The following MPP7 variants were observed in gnomAD, a reference collection of about 807,000 sequenced individuals.
MPP7 encodes MAGUK p55 subfamily member 7.
A neutral mutation model predicts 76.5 loss-of-function variants in MPP7; 60 were observed. The observed-to-expected ratio is 0.78, with a 90% confidence interval of 0.64 to 0.97. The LOEUF is 0.97. MPP7 is among the 50% of genes least tolerant of loss of function. MPP7 has a pLI of 0.00. For missense variants in MPP7, 641 were observed against 694.0 expected (o/e 0.92, Z 0.86); for synonymous variants, 237 against 244.5 (o/e 0.97, Z 0.29).
chr10:28,318,090 G>A (rs776161729), intron 2 of MPP7, among the ~76,000 whole-genome samples: 7 of 152,166 alleles, frequency 4.6e-5, no homozygotes, highest in South Asian at 2.1e-4. Flanking sequence ...TTACTTTCAT[G>A]CCTCACTATA....
chr10:28,212,471 G>A (rs1332117435), intron 2 of MPP7, among the ~76,000 whole-genome samples: 1 of 152,216 alleles, frequency 6.6e-6, no homozygotes, highest in African/African-American at 2.4e-5. Context: ...TTGGATACCA[G>A]TGGAGATGCA....
At chr10:28,161,156 C>T (rs533910744) in intron 3 of MPP7, among the ~76,000 whole-genome samples, 1 of 152,264 alleles carries the variant, frequency 6.6e-6, no homozygotes, top group South Asian at 2.1e-4. Context: ...CAAAATCGTC[C>T]TTTCACACAC....
At chr10:28,195,342 C>T (rs1837545429) in intron 3 of MPP7, among the ~76,000 whole-genome samples, 1 of 152,138 alleles carries the variant, frequency 6.6e-6, no homozygotes, top group Admixed American at 6.5e-5. Flanking sequence ...AACAGGTCTT[C>T]ATAAAAACTT....
At chr10:28,144,602 T>C (rs1385661303) in intron 5 of MPP7, among the ~76,000 whole-genome samples, 1 of 152,170 alleles carries the variant, frequency 6.6e-6, no homozygotes, top group Non-Finnish European at 1.5e-5. Context: ...CTCTTCCCTG[T>C]ACCTAAATCA....
rs1257102466 is a variant in MPP7 at position 28,118,300 on chromosome 10, T to A, written c.952+1351A>T. On this transcript the variant is annotated intron_variant, in intron 11 of 16. Coordinates refer to ENST00000683449, the MANE Select transcript of MPP7 (RefSeq NM_001318170.2). ...TATAGTTCTTTTAAAGAAATACATATACACTTATCAAAAATTTTCAATCAA... is the reference window on the plus strand; with the variant it reads ...TATAGTTCTTTTAAAGAAATACATAAACACTTATCAAAAATTTTCAATCAA... 5 of 980,544 alleles carry A rather than the reference T, an allele frequency of 5.1e-6. No homozygotes were observed. In the South Asian group the frequency reaches 2.4e-4, roughly 46 times the overall value. 60.7% of individuals were successfully genotyped at this position (980,544 alleles called of 1,614,324 possible).
chr10:28,323,707 T>C (rs1834386982), intron 2 of MPP7, among the ~76,000 whole-genome samples: 1 of 151,284 alleles, frequency 6.6e-6, no homozygotes, highest in Non-Finnish European at 1.5e-5. Flanking sequence ...AATAAATAAA[T>C]AAATAGAGAG....
rs1277284546 is a variant in MPP7, at chr10:28,058,507, A to G, written c.1395T>C (p.Asp465=). The change falls in exon 15 of 17, where the codon GAT becomes GAC. Residue 465 remains aspartate (D), a synonymous_variant. Transcript: ENST00000683449. ...ATTGTTTACTTACATGAGGCTGAAC[A>G]TCCAACAAACAAACTTTGTTTTTAG... is the stretch of plus-strand genomic sequence containing the variant. The part of the protein sequence containing the change: ...VLAKNKVCLL[D]VQPHTVKHLR... 1.9e-6 allele frequency: 3 copies of G among 1,597,034 alleles called. No homozygotes were observed. Among genetic ancestry groups the G allele is most frequent in the African/African-American group, 2.7e-5 (2 of 74,378 alleles).
At chr10:28,228,771 G>GA in intron 2 of MPP7, among the ~76,000 whole-genome samples, 1 of 150,726 alleles carries the variant, frequency 6.6e-6, no homozygotes, top group East Asian at 1.9e-4. Flanking sequence ...AAAAAAAACA[G>GA]AAAAAAAGAA....
intron 2 of MPP7, among the ~76,000 whole-genome samples, chr10:28,316,026 G>C (rs1234725860): frequency 2.0e-5 from 3 of 152,162 alleles, no homozygotes; most frequent in Admixed American, 6.5e-5. Context: ...CAGAAACAAG[G>C]AAAGTCTGAG....
intron 2 of MPP7, among the ~76,000 whole-genome samples, chr10:28,308,131 T>C (rs1479520970): frequency 6.6e-6 from 1 of 151,428 alleles, no homozygotes; most frequent in Admixed American, 6.6e-5. Context: ...CTCCAGGTGA[T>C]CCTTGTAGGC....
intron 12 of MPP7, 110 bp from the exon 13 acceptor site, chr10:28,069,962 T>C: frequency 1.4e-6 from 1 of 723,384 alleles, no homozygotes; most frequent in Non-Finnish European, 2.4e-6. Flanking sequence ...CAGCTTTGCA[T>C]CCTAAGTAAA....
At chr10:28,069,249 T>C (rs900667661) in intron 13 of MPP7, among the ~76,000 whole-genome samples, 1 of 152,180 alleles carries the variant, frequency 6.6e-6, no homozygotes, top group Non-Finnish European at 1.5e-5. Flanking sequence ...AAAGGATAAA[T>C]GCTTGAGGGA....
intron 2 of MPP7, among the ~76,000 whole-genome samples, chr10:28,210,796 T>C (rs1201249885): frequency 6.6e-6 from 1 of 152,240 alleles, no homozygotes; most frequent in East Asian, 1.9e-4. Context: ...TGAGAATGCT[T>C]TCAGTACAAT....
Position 28,052,293 on chromosome 10 carries a change from T to C in MPP7, c.*1772A>G, listed in dbSNP as rs1357327375. 4 of 152,228 alleles carry C rather than the reference T, an allele frequency of 2.6e-5. No homozygotes were observed. Among genetic ancestry groups the C allele is most frequent in the Admixed American group, 6.5e-5 (1 of 15,292 alleles). The allele number at this position is 152,228 out of a possible 1,614,324, so 9.4% of individuals were successfully genotyped here. ...GAAATATGCTACCCAAACAATCTAC[T>C]TAAGACTTCAGGTTGGCAACCCTCC... On this transcript the variant is annotated 3_prime_UTR_variant, in exon 17 of 17. Coordinates refer to ENST00000683449, the MANE Select transcript of MPP7 (RefSeq NM_001318170.2).
intron 3 of MPP7, among the ~76,000 whole-genome samples, chr10:28,175,289 C>CA (rs937278719): frequency 2.8e-3 from 365 of 131,728 alleles, no homozygotes; most frequent in South Asian, 4.4e-3. Flanking sequence ...GATGTCGTCT[C>CA]AAAAAAAAAA....
At position 28,108,488 on chromosome 10, in the gene MPP7, C is replaced by G. The variant is rs11818899; in HGVS notation, c.952+11163G>C. ...TGGGCAACATGGTGAAACCTCATCT[C>G]TACCAAAAATACAAAAAAATTAGCT... On this transcript the variant is annotated intron_variant, in intron 11 of 16. Coordinates refer to ENST00000683449, the MANE Select transcript of MPP7 (RefSeq NM_001318170.2). Among the ~76,000 whole-genome samples the G allele has an allele frequency of 3.8e-3, 576 of 151,848 alleles. 4 individuals carry two copies. Among genetic ancestry groups the G allele is most frequent in the African/African-American group, 0.013 (550 of 41,412 alleles).
rs1287879155 is a variant in MPP7, at chr10:28,251,196, G to A, written c.-131-12461C>T. On this transcript the variant is annotated intron_variant, in intron 1 of 16. Coordinates refer to ENST00000683449, the MANE Select transcript of MPP7 (RefSeq NM_001318170.2). ...CATCAAAATTCTGGTTGGGCACAGC[G>A]GCTCAAGCCTGTAACACCAGCACTT... Among the ~76,000 whole-genome samples, 4 of 152,286 alleles carry A rather than the reference G, an allele frequency of 2.6e-5. No homozygotes were observed. The East Asian group carries it at 5.8e-4, about 22-fold the overall frequency.
At chr10:28,273,877 C>A (rs1325627482) in intron 1 of MPP7, among the ~76,000 whole-genome samples, 1 of 152,022 alleles carries the variant, frequency 6.6e-6, no homozygotes, top group Non-Finnish European at 1.5e-5. Context: ...CACTTGTAGC[C>A]CCAGCTACTC....
chr10:28,155,802 G>A (rs1379457393), intron 3 of MPP7, among the ~76,000 whole-genome samples: 1 of 151,850 alleles, frequency 6.6e-6, no homozygotes, highest in Non-Finnish European at 1.5e-5. Context: ...AAACAAACTG[G>A]TCACTGCTCA....
Sources: gnomAD v4.1 joint callset for allele counts (sites outside exome capture counted in the v4.1 genomes callset) on GRCh38, gnomAD v4.1.1 for gene constraint, MANE v1.5 for transcripts, NCBI Gene and HGNC (gene_info 2026-07-23, HGNC 2026-07-21) for gene names.